The following VCL variants were observed in gnomAD, a reference collection of about 807,000 sequenced individuals.
The protein encoded by VCL is epididymis luminal protein 114.
Under a neutral mutation model 125.7 loss-of-function variants are expected in VCL, and 47 were observed. The observed-to-expected ratio is 0.37, with a 90% CI of 0.30 to 0.48. The LOEUF (loss-of-function observed/expected upper bound fraction) is 0.48. Among genes scored for constraint, VCL ranks in the 20% least tolerant of loss-of-function variants. The pLI, the probability that VCL is intolerant of heterozygous loss-of-function variation, is 0.99. For missense variants in VCL, 1,069 were observed against 1,455.5 expected, an observed-to-expected ratio of 0.73 and a Z score of 4.32; for synonymous variants, 458 against 514.6, an observed-to-expected ratio of 0.89 and a Z score of 1.49.
chr10:74,035,199 A>G (rs1356788986), intron 1 of VCL, among the ~76,000 whole-genome samples: 1 of 150,866 alleles, frequency 6.6e-6, no homozygotes, highest in African/African-American at 2.4e-5. Context: ...AGACATCTAC[A>G]TTAACATATT....
rs918335824 is a variant in VCL at position 73,998,207 on chromosome 10, G to A, written c.-1G>A. Reference sequence around the variant, plus strand: ...GGTTCGCCGCCCCGCTCGCCGCCGCGATGCCAGTGTTTCATACGCGCACGA... The same window carrying A: ...GGTTCGCCGCCCCGCTCGCCGCCGCAATGCCAGTGTTTCATACGCGCACGA... On this transcript the variant is annotated 5_prime_UTR_variant, in exon 1 of 22. Transcript: ENST00000211998. 1 of 1,612,098 alleles carries A rather than the reference G, an allele frequency of 6.2e-7. No homozygotes were observed.
chr10:73,999,834 A>G (rs1267096367), intron 1 of VCL, among the ~76,000 whole-genome samples: 1 of 152,194 alleles, frequency 6.6e-6, no homozygotes, highest in African/African-American at 2.4e-5. Flanking sequence ...CACAATGTCT[A>G]CTTGTACATT....
At chr10:74,089,683 G>T (rs916899008) in intron 9 of VCL, among the ~76,000 whole-genome samples, 7 of 152,120 alleles carry the variant, frequency 4.6e-5, no homozygotes, top group African/African-American at 1.4e-4. Flanking sequence ...AATGTTTAGG[G>T]GTTAAAGTTT....
At chr10:74,049,522 C>T (rs879770371) in intron 2 of VCL, among the ~76,000 whole-genome samples, 9 of 151,788 alleles carry the variant, frequency 5.9e-5, no homozygotes, top group Non-Finnish European at 8.8e-5. Context: ...GTAGAAAGAG[C>T]GTTTATGTAG....
At chr10:74,064,027 T>C (rs952953194) in intron 2 of VCL, 3 of 152,218 alleles carry the variant, frequency 2.0e-5, no homozygotes, top group Non-Finnish European at 2.9e-5. Flanking sequence ...TCACTTCAGA[T>C]ACCAGTCACA....
At chr10:74,058,811 A>G (rs1166479387) in intron 2 of VCL, among the ~76,000 whole-genome samples, 2 of 152,132 alleles carry the variant, frequency 1.3e-5, no homozygotes, top group African/African-American at 4.8e-5. Context: ...AGAGTGAGCT[A>G]CCTGCACTTT....
At chr10:74,107,800 C>A (rs1450189822) in intron 17 of VCL, among the ~76,000 whole-genome samples, 1 of 151,980 alleles carries the variant, frequency 6.6e-6, no homozygotes, top group Admixed American at 6.6e-5. Context: ...TAACAAGATA[C>A]ATGCTTTTAA....
At chr10:74,070,542 T>C (rs1289053447) in intron 2 of VCL, 128 bp from the exon 3 acceptor site, 3 of 1,320,100 alleles carry the variant, frequency 2.3e-6, no homozygotes, top group Non-Finnish European at 3.2e-6. Context: ...CTATTATCAA[T>C]TGGTCTTGGC....
At chr10:74,113,912 G>A (rs938859921) in intron 19 of VCL, among the ~76,000 whole-genome samples, 9 of 151,892 alleles carry the variant, frequency 5.9e-5, no homozygotes, top group African/African-American at 2.2e-4. Context: ...CTTTTTTTTA[G>A]TCAGGAAATG....
At chr10:74,021,858 G>T (rs147336376) in intron 1 of VCL, among the ~76,000 whole-genome samples, 1 of 151,750 alleles carries the variant, frequency 6.6e-6, no homozygotes, top group African/African-American at 2.4e-5. Context: ...CAAATGTTCC[G>T]TTGATCTTTC....
chr10:74,013,541 A>G lies in VCL; in HGVS notation c.168+15166A>G, dbSNP rs186879065. 1.2e-3 allele frequency among the ~76,000 whole-genome samples: 176 copies of G among 152,138 alleles called. 1 individual carries two copies. Among genetic ancestry groups the G allele is most frequent in the African/African-American group, 4.1e-3 (172 of 41,500 alleles). On this transcript the variant is annotated intron_variant, in intron 1 of 21. Transcript: ENST00000211998. The stretch of plus-strand genomic sequence containing the variant: ...GTCACACTTTAGATATAGATACTAG[A>G]TAAATCAGCATATGATAATCAGCAC...
chr10:74,023,769 C>G (rs1416836643), intron 1 of VCL, among the ~76,000 whole-genome samples: 2 of 152,120 alleles, frequency 1.3e-5, no homozygotes, highest in Non-Finnish European at 2.9e-5. Flanking sequence ...TATTAATGTT[C>G]TATGAAGAGC....
chr10:74,115,500 G>A (rs1208967419), intron 21 of VCL, among the ~76,000 whole-genome samples: 1 of 152,200 alleles, frequency 6.6e-6, no homozygotes, highest in African/African-American at 2.4e-5. Context: ...GAGAGGTTAA[G>A]TGTCTGAAAT....
chr10:74,092,440 C>G (rs962369441), intron 10 of VCL, among the ~76,000 whole-genome samples: 1 of 151,974 alleles, frequency 6.6e-6, no homozygotes, highest in Non-Finnish European at 1.5e-5. Context: ...TTGGAAGGAC[C>G]TGGTCAAGTA....
At chr10:74,111,806 T>C in intron 18 of VCL, 103 bp from the exon 19 acceptor site, 1 of 1,418,994 alleles carries the variant, frequency 7.0e-7, no homozygotes, top group Non-Finnish European at 9.7e-7. Context: ...TTTCTCATCC[T>C]AGGCAGGCTT....
Position 74,070,724 on chromosome 10 carries a change from C to T in VCL, c.294C>T (p.Asp98=). 1.2e-6 allele frequency: 2 copies of T among 1,614,136 alleles called. No individual in the cohort carries two copies. Among genetic ancestry groups the T allele is most frequent in the Non-Finnish European group, 8.5e-7 (1 of 1,180,040 alleles). Reference sequence around the variant, plus strand: ...AGGCAGCTCAGATGCTTCAGTCAGACCCTTACTCAGTGCCTGCTCGAGATT... The same window carrying T: ...AGGCAGCTCAGATGCTTCAGTCAGATCCTTACTCAGTGCCTGCTCGAGATT... The part of the protein sequence containing the change: ...LVQAAQMLQS[D]PYSVPARDYL... The change falls in exon 3 of 22, where the codon GAC becomes GAT. Residue 98 remains aspartate (D), a synonymous_variant. Transcript: ENST00000211998.
chr10:74,017,557 CTTT>C (rs956763044), intron 1 of VCL, among the ~76,000 whole-genome samples: 2 of 94,244 alleles, frequency 2.1e-5, no homozygotes, highest in African/African-American at 8.5e-5. Flanking sequence ...TTCTTTCTTT[CTTT>C]TTTTTTTTTT....
chr10:74,098,834 C>T (rs936499234), intron 13 of VCL, among the ~76,000 whole-genome samples: 2 of 152,130 alleles, frequency 1.3e-5, no homozygotes, highest in African/African-American at 2.4e-5. Flanking sequence ...TTCCAGACTT[C>T]TCTTTCAGGC....
intron 2 of VCL, among the ~76,000 whole-genome samples, chr10:74,057,141 C>T (rs932861428): frequency 1.3e-5 from 2 of 151,920 alleles, no homozygotes; most frequent in African/African-American, 4.8e-5. Flanking sequence ...GATAGGGTCT[C>T]GCTACGTAGT....
Sources: gnomAD v4.1 joint callset for allele counts (sites outside exome capture counted in the v4.1 genomes callset) on GRCh38, gnomAD v4.1.1 for gene constraint, MANE v1.5 for transcripts, NCBI Gene and HGNC (gene_info 2026-07-23, HGNC 2026-07-21) for gene names.